Variants in MCCC2 observed in about 807,000 individuals in gnomAD.
MCCC2 encodes methylcrotonoyl-CoA carboxylase beta chain, mitochondrial.
In MCCC2, 52 loss-of-function variants were observed where a neutral mutation model predicts 77.2. The ratio of observed to expected loss-of-function variants is 0.67; its 90% CI spans 0.54 to 0.85. MCCC2 has a LOEUF of 0.85. Among genes scored for constraint, MCCC2 ranks in the 40% least tolerant of loss-of-function variants. The pLI is 0.00. For synonymous variants in MCCC2, 253 were observed against 248.4 expected, an observed-to-expected ratio of 1.02 and a Z score of -0.18; for missense variants, 682 against 703.2, an observed-to-expected ratio of 0.97 and a Z score of 0.34.
chr5:71,644,533 C>T (rs1265138972), intron 12 of MCCC2, among the ~76,000 whole-genome samples: 1 of 151,866 alleles, frequency 6.6e-6, no homozygotes, highest in Non-Finnish European at 1.5e-5. Flanking sequence ...TATCTTTTGG[C>T]TTAGTTATTA....
chr5:71,604,423 T>C lies in MCCC2; in HGVS notation c.579T>C (p.Arg193=). 6.2e-7 allele frequency: 1 copy of C among 1,614,184 alleles called. No individual in the cohort carries two copies. The highest frequency in any genetic ancestry group is 8.5e-7 in the Non-Finnish European group (1 of 1,180,030). Residue 193 remains arginine (R), a synonymous_variant, in exon 6 of 17, where the codon CGT becomes CGC. Transcript: ENST00000340941. Reference sequence around the variant, plus strand: ...TTCCAGATCGAGACCACTTTGGCCGTACATTCTATAATCAGGCAATTATGT... The same window carrying C: ...TTCCAGATCGAGACCACTTTGGCCGCACATTCTATAATCAGGCAATTATGT... ...DVFPDRDHFG[R]TFYNQAIMSS... is the part of the protein sequence containing the mutation.
At chr5:71,631,227 G>A (rs966766059) in intron 7 of MCCC2, among the ~76,000 whole-genome samples, 1 of 152,206 alleles carries the variant, frequency 6.6e-6, no homozygotes, top group Non-Finnish European at 1.5e-5. Context: ...GGAGATGACA[G>A]ACATAACATG....
At chr5:71,588,967 A>G (rs1254080452) in intron 1 of MCCC2, among the ~76,000 whole-genome samples, 1 of 152,214 alleles carries the variant, frequency 6.6e-6, no homozygotes, top group Non-Finnish European at 1.5e-5. Context: ...GATAAGTGGC[A>G]TGATCCTATG....
intron 13 of MCCC2, 45 bp from the exon 14 acceptor site, chr5:71,649,052 A>G (rs1258822275): frequency 1.2e-6 from 2 of 1,608,942 alleles, no homozygotes; most frequent in Admixed American, 1.7e-5. Context: ...CGTTCCGCAT[A>G]TTAATCCCAT....
chr5:71,630,802 G>A (rs1295578505), intron 7 of MCCC2, among the ~76,000 whole-genome samples: 1 of 151,916 alleles, frequency 6.6e-6, no homozygotes, highest in African/African-American at 2.4e-5. Context: ...CCTCAAGAAA[G>A]ACTTTTTCTT....
intron 6 of MCCC2, among the ~76,000 whole-genome samples, chr5:71,621,097 T>C (rs994324224): frequency 6.6e-6 from 1 of 152,200 alleles, no homozygotes; most frequent in African/African-American, 2.4e-5. Context: ...CTTTTCAGTG[T>C]CCTTAGGTAA....
rs1238778309 is a variant in MCCC2 at position 71,643,802 on chromosome 5, T to C, written c.1073-17T>C. ...GAAAAGCACAAGACATAAATCTTCTTTGAACTTTCTTTTGAGGATTTGCTC... is the reference window on the plus strand; with the variant it reads ...GAAAAGCACAAGACATAAATCTTCTCTGAACTTTCTTTTGAGGATTTGCTC... On this transcript the variant is annotated splice_polypyrimidine_tract_variant and intron_variant, in intron 11 of 16. Coordinates refer to ENST00000340941, the MANE Select transcript of MCCC2 (RefSeq NM_022132.5). 2 of 1,614,142 alleles carry C rather than the reference T, an allele frequency of 1.2e-6. No individual in the cohort carries two copies. Among genetic ancestry groups the C allele is most frequent in the South Asian group, 1.1e-5 (1 of 91,072 alleles).
rs761548716 is a variant in MCCC2, at chr5:71,649,595, C to T, written c.1373+342C>T. Among the ~76,000 whole-genome samples the T allele has an allele frequency of 2.0e-5, 3 of 152,296 alleles. No individual in the cohort carries two copies. In the East Asian group the frequency reaches 5.8e-4, roughly 29 times the overall value. ...CAAGACTGCAAGTCAGTGAGCTAAG[C>T]CTTCATCTGTGGGAAGTTCAAAGAA... On this transcript the variant is annotated intron_variant, in intron 14 of 16. Transcript: ENST00000340941.
intron 16 of MCCC2, among the ~76,000 whole-genome samples, chr5:71,656,360 T>A (rs1747578031): frequency 6.6e-6 from 1 of 152,220 alleles, no homozygotes; most frequent in South Asian, 2.1e-4. Flanking sequence ...GTATATGTGG[T>A]TCTGCATATT....
intron 11 of MCCC2, among the ~76,000 whole-genome samples, chr5:71,642,700 G>A (rs1238658825): frequency 6.6e-6 from 1 of 152,204 alleles, no homozygotes; most frequent in Non-Finnish European, 1.5e-5. Flanking sequence ...GGACTTTTTG[G>A]AAGTTTACCC....
chr5:71,605,919 G>A (rs947479128), intron 6 of MCCC2, among the ~76,000 whole-genome samples: 5 of 152,156 alleles, frequency 3.3e-5, no homozygotes, highest in African/African-American at 9.7e-5. Flanking sequence ...GCTCTGTTCT[G>A]TTCCATTGAT....
At chr5:71,655,237 C>G (rs937927126) in intron 16 of MCCC2, among the ~76,000 whole-genome samples, 4 of 152,174 alleles carry the variant, frequency 2.6e-5, no homozygotes, top group Admixed American at 2.0e-4. Context: ...ATGGTACCTT[C>G]CTTGGGTTTA....
intron 10 of MCCC2, 133 bp downstream of exon 10, chr5:71,635,379 A>G: frequency 6.3e-6 from 5 of 795,794 alleles, no homozygotes; most frequent in Non-Finnish European, 1.1e-5. Context: ...AAGGAGTGAC[A>G]TATGTGGCAA....
At chr5:71,591,883 G>T (rs1361119627) in intron 1 of MCCC2, among the ~76,000 whole-genome samples, 3 of 152,052 alleles carry the variant, frequency 2.0e-5, no homozygotes, top group Non-Finnish European at 2.9e-5. Context: ...TGGTCAAGTC[G>T]CTGGGACACA....
rs572508532 is a variant in MCCC2, at chr5:71,650,985, A to G, written c.1488+802A>G. The stretch of plus-strand genomic sequence containing the variant: ...TTTTTAGTAGAGACAGGGTTTCACT[A>G]TGTTGGCCAGGCTGCTCTCAAACTC... On this transcript the variant is annotated intron_variant, in intron 15 of 16. Transcript: ENST00000340941. Among the ~76,000 whole-genome samples, 34 of 151,962 alleles carry G rather than the reference A, an allele frequency of 2.2e-4. No homozygotes were observed. In the East Asian group the frequency reaches 3.5e-3, roughly 16 times the overall value.
At chr5:71,605,903 C>T (rs1384744153) in intron 6 of MCCC2, among the ~76,000 whole-genome samples, 1 of 152,156 alleles carries the variant, frequency 6.6e-6, no homozygotes, top group Non-Finnish European at 1.5e-5. Context: ...GGCGTTATTT[C>T]TGAGGGCTCT....
intron 13 of MCCC2, among the ~76,000 whole-genome samples, chr5:71,647,390 A>G (rs1424787532): frequency 6.6e-6 from 1 of 152,230 alleles, no homozygotes; most frequent in Non-Finnish European, 1.5e-5. Flanking sequence ...GCAGCCTAAG[A>G]GGGTCCTGCA....
chr5:71,626,767 A>G lies in MCCC2; in HGVS notation c.738+14A>G. 6 of 1,608,620 alleles carry G rather than the reference A, an allele frequency of 3.7e-6. No individual in the cohort carries two copies. Among genetic ancestry groups the G allele is most frequent in the Non-Finnish European group, 4.3e-6 (5 of 1,175,018 alleles). On this transcript the variant is annotated intron_variant, in intron 7 of 16. Coordinates refer to ENST00000340941, the MANE Select transcript of MCCC2 (RefSeq NM_022132.5). The stretch of plus-strand genomic sequence containing the variant: ...GGACCCCCCTTGGTAAGAACATAAG[A>G]ACGTTGGTCGATGGAAATTAAGTAT...
intron 6 of MCCC2, 93 bp downstream of exon 6, chr5:71,604,561 G>T: frequency 1.1e-6 from 1 of 892,980 alleles, no homozygotes; most frequent in Non-Finnish European, 1.8e-6. Flanking sequence ...AAGTAAAACA[G>T]AATTTAACAC....
Sources: allele counts gnomAD v4.1 joint callset (sites outside exome capture counted in the v4.1 genomes callset), GRCh38; gene constraint gnomAD v4.1.1; transcripts MANE v1.5; gene names NCBI Gene and HGNC (gene_info 2026-07-23, HGNC 2026-07-21).